Variants in COPA observed in about 807,000 individuals in gnomAD.
The protein encoded by COPA is coat protein complex I subunit alpha, also known as coatomer subunit alpha.
COPA carries 10 observed loss-of-function variants against 158.7 expected under a neutral mutation model. The observed-to-expected ratio is 0.06, with a 90% CI of 0.04 to 0.11. The LOEUF is 0.11. COPA is among the 10% of genes least tolerant of loss of function. The probability of loss-of-function intolerance (pLI) is 1.00; values close to 1 mark genes in which losing one functional copy is unlikely to be tolerated. For missense variants in COPA, 1,065 were observed against 1,536.7 expected (o/e 0.69, Z 5.13); for synonymous variants, 462 against 542.8 (o/e 0.85, Z 2.07).
intron 17 of COPA, 27 bp downstream of exon 17, chr1:160,305,406 A>G: frequency 6.2e-7 from 1 of 1,609,920 alleles, no homozygotes; most frequent in Non-Finnish European, 8.5e-7. Context: ...GTCTTCTCCC[A>G]TTCTGTATCC....
At chr1:160,291,551 C>T (rs1406064445) in intron 30 of COPA, 55 bp from the exon 31 acceptor site, 5 of 1,578,192 alleles carry the variant, frequency 3.2e-6, no homozygotes, top group Non-Finnish European at 4.3e-6. Flanking sequence ...TGGTAGAAGT[C>T]ATTTCTAAGC....
rs916269758 is a variant in COPA, at chr1:160,297,365, C to T, written c.2241G>A (p.Arg747=). ...LYLGDVSERV[R]ILKNCGQKSL... ...TACTCTGTCCACAGTTCTTCAGGATCCGCACACGCTCTGACACATCACCCA... is the reference window on the plus strand; with the variant it reads ...TACTCTGTCCACAGTTCTTCAGGATTCGCACACGCTCTGACACATCACCCA... The change falls in exon 21 of 33, where the codon CGG becomes CGA. Residue 747 remains arginine, a synonymous_variant. Coordinates refer to ENST00000241704, the MANE Select transcript of COPA (RefSeq NM_004371.4). 5 of 1,614,054 alleles carry T rather than the reference C, an allele frequency of 3.1e-6. No homozygotes were observed. The highest frequency in any genetic ancestry group is 3.3e-5 in the Admixed American group (2 of 60,014).
rs137854984 is a variant in COPA at position 160,305,045 on chromosome 1, A to G, written c.1667+388T>C. Among the ~76,000 whole-genome samples the G allele has an allele frequency of 2.6e-4, 39 of 152,342 alleles. No homozygotes were observed. In the East Asian group the frequency reaches 6.6e-3, roughly 26 times the overall value. On this transcript the variant is annotated intron_variant, in intron 17 of 32. Coordinates refer to ENST00000241704, the MANE Select transcript of COPA (RefSeq NM_004371.4). The stretch of plus-strand genomic sequence containing the variant: ...TCATATTAAGAAACACAGGGCAGTA[A>G]AATTACAAAGAAAAGCAAGGAAGAA...
At chr1:160,293,521 G>C in intron 25 of COPA, 58 bp from the exon 26 acceptor site, 1 of 1,271,524 alleles carries the variant, frequency 7.9e-7, no homozygotes, top group Non-Finnish European at 1.1e-6. Context: ...TTGAGACAGG[G>C]TCACACTCTG....
rs1025704351 is a variant in COPA at position 160,323,345 on chromosome 1, T to C, written c.706+86A>G. On this transcript the variant is annotated intron_variant, in intron 8 of 32. Transcript: ENST00000241704. ...TAATTAATCACCTAAGGTAGAAAAA[T>C]AGGTCAGAGTCCAGAAGACCTGGCT... is the stretch of plus-strand genomic sequence containing the variant. The C allele has an allele frequency of 5.5e-5, 52 of 949,764 alleles. No individual in the cohort carries two copies. The African/African-American group carries it at 8.0e-4, about 15-fold the overall frequency. The allele number at this position is 949,764 out of a possible 1,614,324, so 58.8% of individuals were successfully genotyped here.
At chr1:160,335,156 T>C (rs1647699446) in intron 4 of COPA, 86 bp downstream of exon 4, 5 of 1,233,246 alleles carry the variant, frequency 4.1e-6, no homozygotes, top group Non-Finnish European at 5.6e-6. Context: ...ACTCTATTAT[T>C]AAAACATGGG....
intron 19 of COPA, 38 bp downstream of exon 19, chr1:160,298,807 C>T (rs1445991857): frequency 6.2e-7 from 1 of 1,612,798 alleles, no homozygotes; most frequent in Non-Finnish European, 8.5e-7. Context: ...TCTCTCACCT[C>T]TAAGACAATA....
At chr1:160,313,339 GA>G (rs1659030061) in intron 9 of COPA, among the ~76,000 whole-genome samples, 172 bp from the exon 10 acceptor site, 1 of 152,120 alleles carries the variant, frequency 6.6e-6, no homozygotes, top group African/African-American at 2.4e-5. Context: ...GGAACAAAAA[GA>G]GGAGACTTCA....
At chr1:160,316,283 G>A (rs1172700858) in intron 8 of COPA, among the ~76,000 whole-genome samples, 3 of 151,568 alleles carry the variant, frequency 2.0e-5, no homozygotes, top group Admixed American at 6.6e-5. Context: ...ACTTGAACCC[G>A]GGAGGTGGAG....
intron 25 of COPA, among the ~76,000 whole-genome samples, chr1:160,293,734 G>T (rs1658315247): frequency 6.6e-6 from 1 of 151,992 alleles, no homozygotes; most frequent in South Asian, 2.1e-4. Context: ...GAGTTCAAGT[G>T]ATCTGCCTGG....
At chr1:160,321,335 C>T (rs1387012141) in intron 8 of COPA, among the ~76,000 whole-genome samples, 3 of 152,148 alleles carry the variant, frequency 2.0e-5, no homozygotes, top group Non-Finnish European at 4.4e-5. Flanking sequence ...ACTAGAAGTC[C>T]TGGCCAGGTC....
chr1:160,311,886 G>C lies in COPA; in HGVS notation c.1058C>G (p.Ala353Gly). The C allele has an allele frequency of 6.2e-7, 1 of 1,613,788 alleles. No homozygotes were observed. The highest frequency in any genetic ancestry group is 8.5e-7 in the Non-Finnish European group (1 of 1,179,748). ...QLDFNSSKDVAVMQLRSGSKF... is the reference protein window; with the variant it reads ...QLDFNSSKDVGVMQLRSGSKF... ...GATTTACCTCCGCAACTGCATCACAGCTACATCTTTGGAGCTGTTGAAATC... is the reference window on the plus strand; with the variant it reads ...GATTTACCTCCGCAACTGCATCACACCTACATCTTTGGAGCTGTTGAAATC... Residue 353 changes from alanine to glycine, a missense_variant, in exon 11 of 33, where the codon GCT becomes GGT. Physicochemically the swap from Ala to Gly is moderately conservative, Grantham distance 60. This residue lies in a region of COPA where 980 missense variants were observed against 1,357.8 expected (regional missense o/e 0.72). Transcript: ENST00000241704.
At chr1:160,302,756 G>A (rs891516930) in intron 17 of COPA, among the ~76,000 whole-genome samples, 2 of 151,526 alleles carry the variant, frequency 1.3e-5, no homozygotes, top group Admixed American at 6.6e-5. Context: ...GGGTTTCACC[G>A]TGTTAGCCAG....
intron 8 of COPA, among the ~76,000 whole-genome samples, chr1:160,314,770 T>C (rs1157085524): frequency 6.6e-6 from 1 of 152,206 alleles, no homozygotes; most frequent in Non-Finnish European, 1.5e-5. Flanking sequence ...GGAGTTGCCA[T>C]TTTAGAACAA....
At chr1:160,318,468 T>TAAAAAAAAA (rs71090307) in intron 8 of COPA, among the ~76,000 whole-genome samples, 9 of 15,648 alleles carry the variant, frequency 5.8e-4, no homozygotes, top group African/African-American at 9.7e-4. Flanking sequence ...ACAATATTTG[T>TAAAAAAAAA]AAAAAAAAAA....
At chr1:160,293,332 AC>A in intron 26 of COPA, 53 bp downstream of exon 26, 1 of 1,610,216 alleles carries the variant, frequency 6.2e-7, no homozygotes, top group South Asian at 1.1e-5. Context: ...CCTGTTATAT[AC>A]CAATCAAGTA....
chr1:160,339,985 G>A lies in COPA; in HGVS notation c.155-3C>T, dbSNP rs1647959146. Reference sequence around the variant, plus strand: ...GAAGTCAATGCCTCGCACTGGACCTGGTGGAGAAGGCAGGCAATGTATGTT... The same window carrying A: ...GAAGTCAATGCCTCGCACTGGACCTAGTGGAGAAGGCAGGCAATGTATGTT... On this transcript the variant is annotated splice_region_variant and splice_polypyrimidine_tract_variant and intron_variant, in intron 2 of 32. Coordinates refer to ENST00000241704, the MANE Select transcript of COPA (RefSeq NM_004371.4). 1 of 1,613,874 alleles carries A rather than the reference G, an allele frequency of 6.2e-7. No individual in the cohort carries two copies. Among genetic ancestry groups the A allele is most frequent in the Non-Finnish European group, 8.5e-7 (1 of 1,179,874 alleles).
At chr1:160,339,767 G>T in intron 3 of COPA, 142 bp downstream of exon 3, 1 of 667,340 alleles carries the variant, frequency 1.5e-6, no homozygotes, top group Non-Finnish European at 2.6e-6. Context: ...ATAAATGTTT[G>T]CTGAGTAAGT....
At position 160,308,944 on chromosome 1, in the gene COPA, C is replaced by T. The variant is rs1658877921; in HGVS notation, c.1219+157G>A. 1.4e-5 allele frequency: 8 copies of T among 591,784 alleles called. No individual in the cohort carries two copies. The South Asian group carries it at 1.8e-4, about 13-fold the overall frequency. The allele number at this position is 591,784 out of a possible 1,614,324, so 36.7% of individuals were successfully genotyped here. A position where few individuals can be genotyped will look rare whatever the true frequency, so the allele number is the denominator to read the frequency against. On this transcript the variant is annotated intron_variant, in intron 13 of 32. Coordinates refer to ENST00000241704, the MANE Select transcript of COPA (RefSeq NM_004371.4). ...GGAGGAGGAACATGAATATTTCACA[C>T]CATGGTCGCCTCTGATGCAATTGTC...
Sources: gnomAD v4.1 joint callset for allele counts (sites outside exome capture counted in the v4.1 genomes callset) on GRCh38, gnomAD v4.1.1 for gene constraint, gnomAD v4.1.1 regional missense constraint, MANE v1.5 for transcripts, NCBI Gene and HGNC (gene_info 2026-07-23, HGNC 2026-07-21) for gene names.